The following CTNNA3 variants were observed in gnomAD, a reference collection of about 807,000 sequenced individuals.
The protein encoded by CTNNA3 is catenin alpha 3.
Under a neutral mutation model 95.7 loss-of-function variants are expected in CTNNA3, and 76 were observed. That is an observed-to-expected ratio of 0.79 (90% confidence interval 0.66 to 0.96). CTNNA3 has a LOEUF of 0.96. Among genes scored for constraint, CTNNA3 ranks in the 40% least tolerant of loss-of-function variants. The probability of loss-of-function intolerance (pLI) is 0.00; values close to 1 mark genes in which losing one functional copy is unlikely to be tolerated. For synonymous variants in CTNNA3, 431 were observed against 374.4 expected (o/e 1.15, Z -1.74); for missense variants, 1,191 against 1,089.8 (o/e 1.09, Z -1.31).
chr10:66,181,138 T>C (rs888955081), intron 13 of CTNNA3, among the ~76,000 whole-genome samples: 14 of 152,164 alleles, frequency 9.2e-5, no homozygotes, highest in East Asian at 1.9e-4. Flanking sequence ...TTTAGACTTA[T>C]GTGGACTTCA....
chr10:67,282,053 C>T (rs1839419300), intron 5 of CTNNA3, among the ~76,000 whole-genome samples: 1 of 151,960 alleles, frequency 6.6e-6, no homozygotes, highest in South Asian at 2.1e-4. Flanking sequence ...ATGATAATAC[C>T]AGTATGTCCT....
intron 7 of CTNNA3, among the ~76,000 whole-genome samples, chr10:66,999,923 T>G (rs553261295): frequency 1.3e-5 from 2 of 152,198 alleles, no homozygotes; most frequent in Non-Finnish European, 1.5e-5. Flanking sequence ...ATTTGTTGTG[T>G]TGGCTTTAGA....
At chr10:66,512,810 C>A (rs1840708278) in intron 11 of CTNNA3, among the ~76,000 whole-genome samples, 2 of 151,778 alleles carry the variant, frequency 1.3e-5, no homozygotes, top group African/African-American at 4.8e-5. Context: ...TTTTTTTATT[C>A]CAGCAATCTG....
chr10:67,342,332 G>T (rs1842237762), intron 5 of CTNNA3, among the ~76,000 whole-genome samples: 1 of 151,904 alleles, frequency 6.6e-6, no homozygotes, highest in South Asian at 2.1e-4. Flanking sequence ...TCAATCTCCT[G>T]ACCTTGTGAT....
At chr10:66,920,896 A>T (rs914756690) in intron 7 of CTNNA3, among the ~76,000 whole-genome samples, 1 of 152,186 alleles carries the variant, frequency 6.6e-6, no homozygotes, top group Admixed American at 6.5e-5. Context: ...GAATCTAACC[A>T]ATGCTCACCA....
At chr10:66,283,857 G>A (rs1241282336) in intron 12 of CTNNA3, among the ~76,000 whole-genome samples, 2 of 151,782 alleles carry the variant, frequency 1.3e-5, no homozygotes, top group African/African-American at 2.4e-5. Context: ...AATACAAAAT[G>A]AGTATAAATA....
At chr10:67,139,064 C>T (rs1589783757) in intron 7 of CTNNA3, among the ~76,000 whole-genome samples, 1 of 152,070 alleles carries the variant, frequency 6.6e-6, no homozygotes, top group Non-Finnish European at 1.5e-5. Flanking sequence ...ATAAAAGATA[C>T]ATATGTGATT....
chr10:67,041,799 A>G (rs1274310945), intron 7 of CTNNA3, among the ~76,000 whole-genome samples: 1 of 152,158 alleles, frequency 6.6e-6, no homozygotes, highest in African/African-American at 2.4e-5. Context: ...GAATTCAGTA[A>G]GGAAAGAATG....
intron 17 of CTNNA3, among the ~76,000 whole-genome samples, chr10:65,920,951 A>T (rs1467836444): frequency 6.6e-6 from 1 of 152,236 alleles, no homozygotes; most frequent in Non-Finnish European, 1.5e-5. Context: ...TTTTGTATCT[A>T]GATGGATAAG....
chr10:67,609,821 C>T (rs978584815), intron 2 of CTNNA3, among the ~76,000 whole-genome samples: 1 of 152,128 alleles, frequency 6.6e-6, no homozygotes, highest in African/African-American at 2.4e-5. Context: ...CTAAGTTTAT[C>T]TTGCTCTTGG....
chr10:66,014,657 T>C (rs115278015), intron 15 of CTNNA3, among the ~76,000 whole-genome samples: 1,909 of 152,276 alleles, frequency 0.013, 31 homozygotes, highest in African/African-American at 0.044. Flanking sequence ...TGATAACCGC[T>C]AGGCCAATGT....
At chr10:66,883,958 T>C (rs772647892) in intron 7 of CTNNA3, among the ~76,000 whole-genome samples, 14 of 152,062 alleles carry the variant, frequency 9.2e-5, no homozygotes, top group Non-Finnish European at 1.9e-4. Flanking sequence ...TCTGAAGGCT[T>C]GAAAGTTCAA....
intron 11 of CTNNA3, among the ~76,000 whole-genome samples, chr10:66,503,952 T>C (rs1840363847): frequency 6.6e-6 from 1 of 152,176 alleles, no homozygotes; most frequent in African/African-American, 2.4e-5. Context: ...TTGTATATAT[T>C]TGTGGTGTAC....
intron 15 of CTNNA3, among the ~76,000 whole-genome samples, chr10:66,057,545 A>G (rs570615308): frequency 6.4e-4 from 98 of 152,304 alleles, no homozygotes; most frequent in Middle Eastern, 3.4e-3. Context: ...ACTGACAGAT[A>G]AAATCAGTCT....
chr10:67,758,715 T>G (rs1841447216), intron 1 of CTNNA3, among the ~76,000 whole-genome samples: 1 of 152,094 alleles, frequency 6.6e-6, no homozygotes, highest in Non-Finnish European at 1.5e-5. Context: ...TATAAATAAC[T>G]GGGTATAAGA....
chr10:66,244,020 G>T (rs2090208104), intron 13 of CTNNA3, among the ~76,000 whole-genome samples: 1 of 151,926 alleles, frequency 6.6e-6, no homozygotes, highest in African/African-American at 2.4e-5. Context: ...GGAGCCCACT[G>T]CCCTAAAGGG....
At chr10:67,234,244 C>T (rs1265832795) in intron 5 of CTNNA3, among the ~76,000 whole-genome samples, 14 of 152,328 alleles carry the variant, frequency 9.2e-5, no homozygotes, top group African/African-American at 1.9e-4. Flanking sequence ...CCTTGATGAA[C>T]ATTGATGCAA....
chr10:67,064,289 TG>T (rs1247100274), intron 7 of CTNNA3, among the ~76,000 whole-genome samples: 2 of 152,212 alleles, frequency 1.3e-5, no homozygotes, highest in Non-Finnish European at 2.9e-5. Flanking sequence ...AGCTACACTA[TG>T]TATTAGCATT....
chr10:67,365,753 T>C (rs1243220868), intron 5 of CTNNA3, among the ~76,000 whole-genome samples: 1 of 152,156 alleles, frequency 6.6e-6, no homozygotes, highest in African/African-American at 2.4e-5. Context: ...TGTGAAGAAA[T>C]AGGAACGCTT....
Sources: allele counts gnomAD v4.1 joint callset (sites outside exome capture counted in the v4.1 genomes callset), GRCh38; gene constraint gnomAD v4.1.1; transcripts MANE v1.5; gene names NCBI Gene and HGNC (gene_info 2026-07-23, HGNC 2026-07-21).